The following MPRIP variants were observed in gnomAD, a reference collection of about 807,000 sequenced individuals.
MPRIP encodes myosin phosphatase Rho-interacting protein.
A neutral mutation model predicts 234.9 loss-of-function variants in MPRIP; 59 were observed. That is an observed-to-expected ratio of 0.25 (90% confidence interval 0.20 to 0.31). The LOEUF (loss-of-function observed/expected upper bound fraction) is 0.31. Ranked by LOEUF, MPRIP falls within the 10% of genes least tolerant of loss-of-function variation. The probability of loss-of-function intolerance (pLI) is 1.00; values close to 1 mark genes in which losing one functional copy is unlikely to be tolerated. For synonymous variants in MPRIP, 1,144 were observed against 1,263.9 expected (o/e 0.91, Z 2.01); for missense variants, 2,436 against 3,071.0 (o/e 0.79, Z 4.89).
At chr17:17,131,021 C>G (rs1200821553) in intron 4 of MPRIP, among the ~76,000 whole-genome samples, 1 of 152,140 alleles carries the variant, frequency 6.6e-6, no homozygotes, top group East Asian at 1.9e-4. Flanking sequence ...TTGCTGTGTT[C>G]CCTTGCTGCA....
intron 1 of MPRIP, among the ~76,000 whole-genome samples, chr17:17,047,494 T>A (rs2088391157): frequency 6.6e-6 from 1 of 152,258 alleles, no homozygotes; most frequent in Non-Finnish European, 1.5e-5. Context: ...TATACTTAGC[T>A]TTTTAATCTA....
chr17:17,177,434 T>C, intron 22 of MPRIP, 22 bp downstream of exon 22: 1 of 1,605,624 alleles, frequency 6.2e-7, no homozygotes, highest in Non-Finnish European at 8.5e-7. Context: ...GGTCATGCCC[T>C]CTCGGTTATT....
At chr17:17,183,830 T>G (rs1052981975) in intron 23 of MPRIP, among the ~76,000 whole-genome samples, 1 of 152,048 alleles carries the variant, frequency 6.6e-6, no homozygotes, top group Non-Finnish European at 1.5e-5. Flanking sequence ...GTTGCTCAGG[T>G]TTTTGGTTGA....
intron 13 of MPRIP, among the ~76,000 whole-genome samples, chr17:17,157,110 G>A (rs1197411821): frequency 6.6e-6 from 1 of 152,166 alleles, no homozygotes; most frequent in Non-Finnish European, 1.5e-5. Flanking sequence ...GCAGTCTGTG[G>A]GGCCTATCTC....
chr17:17,184,666 C>T (rs2144728687), intron 23 of MPRIP, among the ~76,000 whole-genome samples, 157 bp from the exon 24 acceptor site: 2 of 152,234 alleles, frequency 1.3e-5, no homozygotes, highest in Admixed American at 1.3e-4. Flanking sequence ...AACAGCATTT[C>T]CCGGGGACTC....
chr17:17,112,625 A>G (rs1030701469), intron 3 of MPRIP, among the ~76,000 whole-genome samples: 1 of 152,068 alleles, frequency 6.6e-6, no homozygotes, highest in Non-Finnish European at 1.5e-5. Flanking sequence ...CATCGCTCCC[A>G]TGAACTGAGT....
chr17:17,150,311 G>A (rs1401335895), intron 12 of MPRIP, 78 bp downstream of exon 12: 3 of 1,080,682 alleles, frequency 2.8e-6, no homozygotes, highest in Admixed American at 1.7e-5. Flanking sequence ...TCTGGGCTGG[G>A]GGCACTTCTG....
rs1227982810 is a variant in MPRIP at position 17,042,747 on chromosome 17, C to T, written c.-102C>T. 2.8e-5 allele frequency: 23 copies of T among 828,620 alleles called. No individual in the cohort carries two copies. In the African/African-American group the frequency reaches 1.4e-3, roughly 49 times the overall value. The allele number at this position is 828,620 out of a possible 1,614,324, so 51.3% of individuals were successfully genotyped here. On this transcript the variant is annotated 5_prime_UTR_variant, in exon 1 of 24. Coordinates refer to ENST00000651222, the MANE Select transcript of MPRIP (RefSeq NM_001364716.4). ...CGGGCCGGGCCTGCGGCGGGGCCGG[C>T]GAGGGATGCGGCGCGGCCGCGCTGA... is the stretch of plus-strand genomic sequence containing the variant.
Position 17,153,050 on chromosome 17 carries a change from C to A in MPRIP, c.1720-1256C>A, listed in dbSNP as rs138505120. 7.2e-4 allele frequency among the ~76,000 whole-genome samples: 110 copies of A among 152,276 alleles called. 1 individual carries two copies. Among genetic ancestry groups the A allele is most frequent in the East Asian group, 1.7e-3 (9 of 5,160 alleles). On this transcript the variant is annotated intron_variant, in intron 12 of 23. Coordinates refer to ENST00000651222, the MANE Select transcript of MPRIP (RefSeq NM_001364716.4). ...GTATGTGGAGTGCTGAGGCCAAACT[C>A]CAGCAACGCCCACACCTGGGGGTGG...
At chr17:17,146,965 G>A (rs968808670) in intron 10 of MPRIP, among the ~76,000 whole-genome samples, 3 of 152,218 alleles carry the variant, frequency 2.0e-5, no homozygotes, top group African/African-American at 4.8e-5. Context: ...CCACCTTTCC[G>A]TTCTGATGGG....
intron 4 of MPRIP, 146 bp downstream of exon 4, chr17:17,126,999 G>T (rs147635650): frequency 4.8e-6 from 5 of 1,038,654 alleles, no homozygotes; most frequent in Non-Finnish European, 5.6e-6. Flanking sequence ...TCTCAACACC[G>T]CTGTGTGCTG....
chr17:17,067,570 T>G (rs545725343), intron 1 of MPRIP, among the ~76,000 whole-genome samples: 2 of 152,316 alleles, frequency 1.3e-5, no homozygotes, highest in South Asian at 2.1e-4. Flanking sequence ...CCATTTAATA[T>G]TTTAAGGCTG....
In MPRIP at chr17:17,116,163, G is replaced by A. The variant is rs573314893; in HGVS notation, c.268-10539G>A. Among the ~76,000 whole-genome samples, 21 of 152,336 alleles carry A rather than the reference G, an allele frequency of 1.4e-4. No homozygotes were observed. In the East Asian group the frequency reaches 3.9e-3, roughly 28 times the overall value. The stretch of plus-strand genomic sequence containing the variant: ...CATATTGGAAGGTGCTGACCTAGGT[G>A]TATAGAGTAAATACAAGGAGTTTTA... On this transcript the variant is annotated intron_variant, in intron 3 of 23. Coordinates refer to ENST00000651222, the MANE Select transcript of MPRIP (RefSeq NM_001364716.4).
In MPRIP at chr17:17,166,394, A is replaced by G; in HGVS notation, c.4803A>G (p.Gly1601=). 3.1e-6 allele frequency: 4 copies of G among 1,304,446 alleles called. No homozygotes were observed. Among genetic ancestry groups the G allele is most frequent in the Non-Finnish European group, 4.0e-6 (4 of 988,994 alleles). The allele number at this position is 1,304,446 out of a possible 1,614,324, so 80.8% of individuals were successfully genotyped here. ...TGCTCCATGAGATTTCTTGGTCAGG[A>G]CAGCCACCGATGGAATCTGCTGGGG... is the stretch of plus-strand genomic sequence containing the variant. ...SRMLHEISWS[G]QPPMESAGAP... The change falls in exon 16 of 24, where the codon GGA becomes GGG. Residue 1601 remains glycine (G), a synonymous_variant. Coordinates refer to ENST00000651222, the MANE Select transcript of MPRIP (RefSeq NM_001364716.4). The surrounding 1 kb of genome is among the most constrained non-coding windows in gnomAD (Gnocchi z 4.4).
intron 3 of MPRIP, among the ~76,000 whole-genome samples, chr17:17,121,630 C>T (rs936936403): frequency 6.6e-6 from 1 of 152,220 alleles, no homozygotes; most frequent in Non-Finnish European, 1.5e-5. Flanking sequence ...GAACACTGCA[C>T]TACTGAGACT....
intron 3 of MPRIP, among the ~76,000 whole-genome samples, chr17:17,103,290 T>G (rs969253557): frequency 1.3e-5 from 2 of 152,068 alleles, no homozygotes; most frequent in Admixed American, 1.3e-4. Flanking sequence ...GTCAGGCTTG[T>G]CACCAGGAGC....
At position 17,054,738 on chromosome 17, in the gene MPRIP, T is replaced by C. The variant is rs140321559; in HGVS notation, c.123+11767T>C. Among the ~76,000 whole-genome samples, 111 of 152,150 alleles carry C rather than the reference T, an allele frequency of 7.3e-4. 2 individuals carry two copies. In the East Asian group the frequency reaches 0.02, roughly 28 times the overall value. ...TGGCATTATTTGAGGACCTGCTGTG[T>C]AAGGACTGAACTGATTTTAAGAATT... On this transcript the variant is annotated intron_variant, in intron 1 of 23. Transcript: ENST00000651222.
rs529812082 is a variant in MPRIP, at chr17:17,106,890, G to A, written c.268-19812G>A. ...CTGAGAAGCAGATTGGGAATTCCCA[G>A]TGGGAGAGAGGCAGATGAGAGCATC... On this transcript the variant is annotated intron_variant, in intron 3 of 23. Coordinates refer to ENST00000651222, the MANE Select transcript of MPRIP (RefSeq NM_001364716.4). Among the ~76,000 whole-genome samples the A allele has an allele frequency of 2.0e-5, 3 of 152,356 alleles. No homozygotes were observed. The South Asian group carries it at 6.2e-4, about 32-fold the overall frequency.
intron 1 of MPRIP, among the ~76,000 whole-genome samples, chr17:17,047,828 A>G (rs1383176802): frequency 1.3e-5 from 2 of 152,118 alleles, no homozygotes; most frequent in Non-Finnish European, 2.9e-5. Context: ...TAAGTCTTGG[A>G]TGTGGAGGTG....
Sources: gnomAD v4.1 joint callset for allele counts (sites outside exome capture counted in the v4.1 genomes callset) on GRCh38, gnomAD v4.1.1 for gene constraint, Gnocchi (gnomAD v3.1) non-coding constraint, MANE v1.5 for transcripts, NCBI Gene and HGNC (gene_info 2026-07-23, HGNC 2026-07-21) for gene names.